Variants in OLFM1 observed in about 807,000 individuals in gnomAD.
OLFM1 encodes the protein olfactomedin 1.
OLFM1 carries 9 observed loss-of-function variants against 49.7 expected under a neutral mutation model. The observed-to-expected ratio is 0.18, with a 90% CI of 0.11 to 0.32. OLFM1 has a LOEUF of 0.32. Among genes scored for constraint, OLFM1 ranks in the 10% least tolerant of loss-of-function variants. OLFM1 has a pLI of 1.00. For synonymous variants in OLFM1, 240 were observed against 271.8 expected, an observed-to-expected ratio of 0.88 and a Z score of 1.15; for missense variants, 369 against 661.8, an observed-to-expected ratio of 0.56 and a Z score of 4.85.
chr9:135,112,716 C>A (rs2119138216), intron 5 of OLFM1, among the ~76,000 whole-genome samples: 1 of 152,352 alleles, frequency 6.6e-6, no homozygotes, highest in Non-Finnish European at 1.5e-5. Flanking sequence ...GAGAGCTCAG[C>A]AGCAAGGGCT....
intron 4 of OLFM1, among the ~76,000 whole-genome samples, chr9:135,102,945 G>A (rs768838165): frequency 3.9e-5 from 6 of 152,320 alleles, no homozygotes; most frequent in East Asian, 1.9e-4. Context: ...ATGCTGCTGC[G>A]TAGAAGTGGC....
chr9:135,101,836 T>C (rs1260317359), intron 4 of OLFM1, among the ~76,000 whole-genome samples: 1 of 152,214 alleles, frequency 6.6e-6, no homozygotes. Flanking sequence ...GCCTGTCAGC[T>C]TCAGGCCTCC....
Position 135,098,518 on chromosome 9 carries a change from C to A in OLFM1, c.676+13C>A. On this transcript the variant is annotated intron_variant, in intron 4 of 5. Coordinates refer to ENST00000371793, the MANE Select transcript of OLFM1 (RefSeq NM_001282611.2). This position sits in a 1 kb window ranked among gnomAD's most constrained non-coding sequence, Gnocchi z 5.6. Reference sequence around the variant, plus strand: ...ATGCAAAAACTAGGTAGGCCCAGTACCCTGCGGGACGTGGCGCTGCACTGC... The same window carrying A: ...ATGCAAAAACTAGGTAGGCCCAGTAACCTGCGGGACGTGGCGCTGCACTGC... 1 of 1,606,248 alleles carries A rather than the reference C, an allele frequency of 6.2e-7. No individual in the cohort carries two copies. Among genetic ancestry groups the A allele is most frequent in the Non-Finnish European group, 8.5e-7 (1 of 1,173,768 alleles).
upstream of OLFM1, among the ~76,000 whole-genome samples, chr9:135,084,551 C>A (rs72778149): frequency 0.11 from 16,280 of 151,610 alleles, 994 homozygotes; most frequent in South Asian, 0.18. This position sits in a 1 kb window ranked among gnomAD's most constrained non-coding sequence, Gnocchi z 4.6. Flanking sequence ...TCCTCTCTGT[C>A]TCCTCTCTGT....
rs1830637965 is a variant in OLFM1, at chr9:135,088,747, C to T, written c.150+608C>T. Among the ~76,000 whole-genome samples, 1 of 152,196 alleles carries T rather than the reference C, an allele frequency of 6.6e-6. No individual in the cohort carries two copies. The highest frequency in any genetic ancestry group is 2.4e-5 in the African/African-American group (1 of 41,458). ...GGGTTTGTTCCTTCTCCTCCGAGGACGGTGCCGAGGGGCTTGGGTGGGGCC... is the reference window on the plus strand; with the variant it reads ...GGGTTTGTTCCTTCTCCTCCGAGGATGGTGCCGAGGGGCTTGGGTGGGGCC... On this transcript the variant is annotated intron_variant, in intron 1 of 5. Transcript: ENST00000371793. The surrounding 1 kb of genome is among the most constrained non-coding windows in gnomAD (Gnocchi z 4.8).
At chr9:135,082,052 G>T (rs973591689) in intron 1 of OLFM1, among the ~76,000 whole-genome samples, 4 of 152,202 alleles carry the variant, frequency 2.6e-5, no homozygotes, top group Non-Finnish European at 5.9e-5. Flanking sequence ...CCCTGCCTGG[G>T]CTCCAGCTGG....
chr9:135,109,566 C>A (rs1262106658), intron 5 of OLFM1, among the ~76,000 whole-genome samples: 1 of 152,102 alleles, frequency 6.6e-6, no homozygotes, highest in African/African-American at 2.4e-5. Context: ...CCAAGCCATA[C>A]GCTCAGCACA....
intron 1 of OLFM1, chr9:135,075,838 G>T: frequency 6.4e-7 from 1 of 1,570,404 alleles, no homozygotes; most frequent in Non-Finnish European, 8.7e-7. Context: ...TCCCTGCCAG[G>T]CGCCCGGCCC....
chr9:135,114,123 CTTT>C (rs138372395), intron 5 of OLFM1, among the ~76,000 whole-genome samples: 89 of 75,826 alleles, frequency 1.2e-3, no homozygotes, highest in South Asian at 4.1e-3. Context: ...TCTTGAGATT[CTTT>C]TTTTTTTTTT....
chr9:135,112,868 G>A (rs570453595), intron 5 of OLFM1, among the ~76,000 whole-genome samples: 1 of 152,324 alleles, frequency 6.6e-6, no homozygotes, highest in African/African-American at 2.4e-5. Context: ...GATGAGAAGA[G>A]GCCATGGCAG....
chr9:135,089,703 G>T (rs889933145), intron 1 of OLFM1, among the ~76,000 whole-genome samples: 1 of 152,198 alleles, frequency 6.6e-6, no homozygotes, highest in African/African-American at 2.4e-5. Flanking sequence ...GTTACAGTGG[G>T]TGCTTCGTCT....
chr9:135,087,382 AG>A, upstream of OLFM1: 4 of 1,547,068 alleles, frequency 2.6e-6, no homozygotes, highest in Middle Eastern at 5.1e-4. Flanking sequence ...GGATGGGAGA[AG>A]CCCCGGGACG....
exon 1 of OLFM1, chr9:135,075,653 C>T (rs1305760442): frequency 3.0e-6 from 4 of 1,349,218 alleles, no homozygotes; most frequent in Admixed American, 2.3e-5. Context: ...GGGCCAGAGC[C>T]GGAGCGCGTC....
At position 135,096,038 on chromosome 9, in the gene OLFM1, C is replaced by T. The variant is rs762322356; in HGVS notation, c.456+19C>T. ...GTTTAAGGTATGCATGTTCCTCCCC[C>T]TCTCCCTCCCCTTATCCTCCTCCTC... On this transcript the variant is annotated intron_variant, in intron 3 of 5. Transcript: ENST00000371793. The T allele has an allele frequency of 2.5e-5, 33 of 1,331,074 alleles. No homozygotes were observed. The highest frequency in any genetic ancestry group is 1.6e-5 in the South Asian group (1 of 63,428). The allele number at this position is 1,331,074 out of a possible 1,614,324, so 82.5% of individuals were successfully genotyped here.
intron 4 of OLFM1, among the ~76,000 whole-genome samples, chr9:135,099,482 A>T (rs972202670): frequency 2.7e-5 from 4 of 150,022 alleles, no homozygotes; most frequent in South Asian, 2.1e-4. Flanking sequence ...AGAACACTTT[A>T]AAAAAAAACC....
At chr9:135,079,297 C>G (rs1830504463) in intron 1 of OLFM1, among the ~76,000 whole-genome samples, 1 of 152,160 alleles carries the variant, frequency 6.6e-6, no homozygotes, top group African/African-American at 2.4e-5. Flanking sequence ...AGGCTTGCAC[C>G]TGGGTCCACT....
rs1469617320 is a variant in OLFM1, at chr9:135,119,845, C to T, written c.1125C>T (p.Gly375=). The T allele has an allele frequency of 6.2e-7, 1 of 1,613,676 alleles. No homozygotes were observed. The highest frequency in any genetic ancestry group is 8.5e-7 in the Non-Finnish European group (1 of 1,180,038). ...TGTACGCCACCAACCAGAACGCTGG[C>T]AACATCGTGGTCAGTAGGCTGGACC... The part of the protein sequence containing the change: ...WAVYATNQNA[G]NIVVSRLDPV... The change falls in exon 6 of 6, where the codon GGC becomes GGT. Residue 375 remains glycine, a synonymous_variant. Coordinates refer to ENST00000371793, the MANE Select transcript of OLFM1 (RefSeq NM_001282611.2).
chr9:135,083,210 T>C (rs1830554234), upstream of OLFM1, among the ~76,000 whole-genome samples: 1 of 152,188 alleles, frequency 6.6e-6, no homozygotes, highest in South Asian at 2.1e-4. Context: ...GGGTGACGTG[T>C]CTGCTGAATT....
chr9:135,096,343 C>T (rs1166561248), intron 3 of OLFM1, among the ~76,000 whole-genome samples: 4 of 151,556 alleles, frequency 2.6e-5, no homozygotes, highest in Non-Finnish European at 5.9e-5. Flanking sequence ...TCTTCCTCCT[C>T]CCTCTCCTTC....
Sources: gnomAD v4.1 joint callset for allele counts (sites outside exome capture counted in the v4.1 genomes callset) on GRCh38, gnomAD v4.1.1 for gene constraint, Gnocchi (gnomAD v3.1) non-coding constraint, MANE v1.5 for transcripts, NCBI Gene and HGNC (gene_info 2026-07-23, HGNC 2026-07-21) for gene names.